Variants in AP5M1 observed in about 807,000 individuals in gnomAD.
AP5M1 encodes AP-5 complex subunit mu-1.
AP5M1 carries 44 observed loss-of-function variants against 52.3 expected under a neutral mutation model. The observed-to-expected ratio is 0.84, with a 90% CI of 0.66 to 1.08. The LOEUF is 1.08. AP5M1 is among the 50% of genes least tolerant of loss of function. The probability of loss-of-function intolerance (pLI) is 0.00; values close to 1 mark genes in which losing one functional copy is unlikely to be tolerated. For missense variants in AP5M1, 526 were observed against 568.4 expected, an observed-to-expected ratio of 0.93 and a Z score of 0.76; for synonymous variants, 213 against 199.0, an observed-to-expected ratio of 1.07 and a Z score of -0.59.
intron 2 of AP5M1, among the ~76,000 whole-genome samples, chr14:57,279,622 C>G (rs990875131): frequency 2.0e-5 from 3 of 152,138 alleles, no homozygotes; most frequent in Admixed American, 6.5e-5. Context: ...CAGCAAAACA[C>G]CATGGCCCAC....
In AP5M1 at chr14:57,291,957, G is replaced by C. The variant is rs1345243902; in HGVS notation, c.*3073G>C. On this transcript the variant is annotated 3_prime_UTR_variant, in exon 8 of 8. Transcript: ENST00000261558. ...TCAAAAAAAGGGGTGTTAATAAACAGTCCTCAGGTTTAAGGGACTTTTTTA... is the reference window on the plus strand; with the variant it reads ...TCAAAAAAAGGGGTGTTAATAAACACTCCTCAGGTTTAAGGGACTTTTTTA... 6.6e-6 allele frequency: 1 copy of C among 151,790 alleles called. No homozygotes were observed. The highest frequency in any genetic ancestry group is 1.5e-5 in the Non-Finnish European group (1 of 67,818). The allele number at this position is 151,790 out of a possible 1,614,324, so 9.4% of individuals were successfully genotyped here.
At position 57,269,067 on chromosome 14, in the gene AP5M1, T is replaced by C; in HGVS notation, c.-248T>C. On this transcript the variant is annotated 5_prime_UTR_variant, in exon 1 of 8. Transcript: ENST00000261558. ...AAGAAAATACCGGAGTTGCAGGGTATAGGTAAATTTCTCAAGGTTATAGGT... is the reference window on the plus strand; with the variant it reads ...AAGAAAATACCGGAGTTGCAGGGTACAGGTAAATTTCTCAAGGTTATAGGT... The C allele has an allele frequency of 1.8e-6, 1 of 567,928 alleles. No homozygotes were observed. Among genetic ancestry groups the C allele is most frequent in the East Asian group, 3.0e-5 (1 of 33,528 alleles). The allele number at this position is 567,928 out of a possible 1,614,324, so 35.2% of individuals were successfully genotyped here.
rs1319050783 is a variant in AP5M1 at position 57,293,749 on chromosome 14, T to G, written c.*4865T>G. The stretch of plus-strand genomic sequence containing the variant: ...TACACACAACATATATATACAAGTA[T>G]ATGAATTTACGTAAATGTGTACAAC... On this transcript the variant is annotated 3_prime_UTR_variant, in exon 8 of 8. Coordinates refer to ENST00000261558, the MANE Select transcript of AP5M1 (RefSeq NM_018229.4). 1.3e-5 allele frequency: 2 copies of G among 151,640 alleles called. No individual in the cohort carries two copies. The highest frequency in any genetic ancestry group is 4.8e-5 in the African/African-American group (2 of 41,360). The allele number at this position is 151,640 out of a possible 1,614,324, so 9.4% of individuals were successfully genotyped here. A position where few individuals can be genotyped will look rare whatever the true frequency, so the allele number is the denominator to read the frequency against.
At chr14:57,288,657 A>G (rs1379077013) in intron 7 of AP5M1, 145 bp from the exon 8 acceptor site, 2 of 561,160 alleles carry the variant, frequency 3.6e-6, no homozygotes. Flanking sequence ...GTTATAATAA[A>G]GTCTTGATAA....
chr14:57,290,324 AT>A lies in AP5M1; in HGVS notation c.*1444del, dbSNP rs1393853323. 6.6e-6 allele frequency: 1 copy of A among 152,016 alleles called. No individual in the cohort carries two copies. Among genetic ancestry groups the A allele is most frequent in the African/African-American group, 2.4e-5 (1 of 41,432 alleles). 9.4% of individuals were successfully genotyped at this position (152,016 alleles called of 1,614,324 possible). ...AAAAAAGAATAACTGCCTGACCAGG[AT>A]TTTAACTTGTTATTCTAGCTTAATC... is the stretch of plus-strand genomic sequence containing the variant. On this transcript the variant is annotated 3_prime_UTR_variant, in exon 8 of 8. Coordinates refer to ENST00000261558, the MANE Select transcript of AP5M1 (RefSeq NM_018229.4).
intron 1 of AP5M1, among the ~76,000 whole-genome samples, chr14:57,270,685 TC>T (rs1238614468): frequency 2.0e-5 from 3 of 152,184 alleles, no homozygotes; most frequent in Admixed American, 1.3e-4. Context: ...GTACAAAGTA[TC>T]TCTCATTTTA....
chr14:57,288,329 C>T (rs1026064887), intron 7 of AP5M1, among the ~76,000 whole-genome samples: 2 of 151,878 alleles, frequency 1.3e-5, no homozygotes, highest in Admixed American at 1.3e-4. Flanking sequence ...TTAAATTGAT[C>T]AGAACTATAA....
chr14:57,272,791 G>A (rs960188117), intron 1 of AP5M1, among the ~76,000 whole-genome samples: 2 of 152,172 alleles, frequency 1.3e-5, no homozygotes, highest in Non-Finnish European at 2.9e-5. Flanking sequence ...GCCATTACTG[G>A]TGTGCTACCT....
At position 57,269,278 on chromosome 14, in the gene AP5M1, T is replaced by C; in HGVS notation, c.-37T>C. Reference sequence around the variant, plus strand: ...CTGCGCTGTTCCTCGGTGGCGACCTTAATTATGAGATGAGCTAATGCTTTA... The same window carrying C: ...CTGCGCTGTTCCTCGGTGGCGACCTCAATTATGAGATGAGCTAATGCTTTA... On this transcript the variant is annotated 5_prime_UTR_variant, in exon 1 of 8. Coordinates refer to ENST00000261558, the MANE Select transcript of AP5M1 (RefSeq NM_018229.4). 1.9e-6 allele frequency: 3 copies of C among 1,606,876 alleles called. No individual in the cohort carries two copies. The highest frequency in any genetic ancestry group is 2.6e-6 in the Non-Finnish European group (3 of 1,174,332).
At chr14:57,283,513 C>CA (rs1885235388) in intron 6 of AP5M1, among the ~76,000 whole-genome samples, 1 of 152,186 alleles carries the variant, frequency 6.6e-6, no homozygotes, top group South Asian at 2.1e-4. Flanking sequence ...CGCTCAAGCC[C>CA]AGGAGTTCAA....
Position 57,280,226 on chromosome 14 carries a change from C to T in AP5M1, c.752C>T (p.Thr251Ile). The T allele has an allele frequency of 6.2e-7, 1 of 1,613,858 alleles. No individual in the cohort carries two copies. The highest frequency in any genetic ancestry group is 8.5e-7 in the Non-Finnish European group (1 of 1,179,790). ...CDLEGIMPNV[T>I]ISLSLPTNGS... ...TTGGAAGGAATCATGCCAAATGTTACCATCAGCTTGAGTCTCCCCACCAAT... is the reference window on the plus strand; with the variant it reads ...TTGGAAGGAATCATGCCAAATGTTATCATCAGCTTGAGTCTCCCCACCAAT... Residue 251 changes from threonine to isoleucine, a missense_variant, in exon 3 of 8, where the codon ACC (threonine) becomes ATC (isoleucine). By Grantham distance (89) the Thr-to-Ile change is moderately conservative. Around this residue, in one of 3 missense-constraint regions of AP5M1, gnomAD observed 425 missense variants for 430.6 expected, o/e 0.99. Transcript: ENST00000261558.
At position 57,282,171 on chromosome 14, in the gene AP5M1, ATGAAAGTG is replaced by A. The variant is rs1885196618; in HGVS notation, c.1037_1044del (p.Ser346LysfsTer2). 8.9e-6 allele frequency: 14 copies of A among 1,579,376 alleles called. No individual in the cohort carries two copies. Among genetic ancestry groups the A allele is most frequent in the Non-Finnish European group, 1.2e-5 (14 of 1,167,522 alleles). ...AGAATAACCATTAATTTAAAACTTC[ATGAAAGTG>A]TGAAAAATAATTTTGAATTCTGTGA... On this transcript the variant is annotated frameshift_variant, in exon 4 of 8. Transcript: ENST00000261558. LOFTEE classifies it high-confidence loss of function.
chr14:57,281,828 G>T (rs1197269341), intron 3 of AP5M1, among the ~76,000 whole-genome samples: 1 of 152,232 alleles, frequency 6.6e-6, no homozygotes, highest in African/African-American at 2.4e-5. Context: ...CGGCAGATCA[G>T]AGAACATGGA....
chr14:57,291,627 T>G lies in AP5M1; in HGVS notation c.*2743T>G, dbSNP rs917286379. On this transcript the variant is annotated 3_prime_UTR_variant, in exon 8 of 8. Coordinates refer to ENST00000261558, the MANE Select transcript of AP5M1 (RefSeq NM_018229.4). ...GACAATTATTTGTTTAAAAAATTTT[T>G]TTTATTAAACATTAGTCTGTCCCAT... The G allele has an allele frequency of 2.0e-5, 3 of 151,888 alleles. No homozygotes were observed. Among genetic ancestry groups the G allele is most frequent in the African/African-American group, 7.2e-5 (3 of 41,418 alleles). The allele number at this position is 151,888 out of a possible 1,614,324, so 9.4% of individuals were successfully genotyped here.
Position 57,280,440 on chromosome 14 carries a change from G to A in AP5M1, c.948+18G>A. ...CTTCCCAGGTAACAACCCTAGAATA[G>A]TTGAGAGTTTGCTGATCTTTATATT... is the stretch of plus-strand genomic sequence containing the variant. On this transcript the variant is annotated intron_variant, in intron 3 of 7. Coordinates refer to ENST00000261558, the MANE Select transcript of AP5M1 (RefSeq NM_018229.4). 6.6e-7 allele frequency: 1 copy of A among 1,507,242 alleles called. No homozygotes were observed. Among genetic ancestry groups the A allele is most frequent in the South Asian group, 1.1e-5 (1 of 88,566 alleles). 93.4% of individuals were successfully genotyped at this position (1,507,242 alleles called of 1,614,324 possible).
At chr14:57,287,610 C>T (rs1885340037) in intron 7 of AP5M1, among the ~76,000 whole-genome samples, 1 of 152,030 alleles carries the variant, frequency 6.6e-6, no homozygotes, top group African/African-American at 2.4e-5. Flanking sequence ...CTTCTTAATA[C>T]AAAATATGTT....
Position 57,283,119 on chromosome 14 carries a change from G to A in AP5M1, c.1182G>A (p.Lys394=). Residue 394 remains lysine (K), a synonymous_variant, in exon 6 of 8, where the codon AAG becomes AAA. Transcript: ENST00000261558. ...GGTATATTTGTGTTTTAGGCCAGAAGTTCCCAAAATCAATGGAAATTAGTC... is the reference window on the plus strand; with the variant it reads ...GGTATATTTGTGTTTTAGGCCAGAAATTCCCAAAATCAATGGAAATTAGTC... ...KSLLIWIIGQ[K]FPKSMEISLS... 6.2e-7 allele frequency: 1 copy of A among 1,611,234 alleles called. No individual in the cohort carries two copies. Among genetic ancestry groups the A allele is most frequent in the Non-Finnish European group, 8.5e-7 (1 of 1,178,880 alleles).
chr14:57,280,423 G>C lies in AP5M1; in HGVS notation c.948+1G>C, dbSNP rs756974292. On this transcript the variant is annotated splice_donor_variant, in intron 3 of 7. Coordinates refer to ENST00000261558, the MANE Select transcript of AP5M1 (RefSeq NM_018229.4). LOFTEE classifies it high-confidence loss of function. Reference sequence around the variant, plus strand: ...CAACTTATGCTTCTACACTTCCCAGGTAACAACCCTAGAATAGTTGAGAGT... The same window carrying C: ...CAACTTATGCTTCTACACTTCCCAGCTAACAACCCTAGAATAGTTGAGAGT... 2.5e-6 allele frequency: 4 copies of C among 1,587,812 alleles called. No homozygotes were observed. Among genetic ancestry groups the C allele is most frequent in the Non-Finnish European group, 3.5e-6 (4 of 1,156,230 alleles).
chr14:57,275,313 T>A (rs1269617880), intron 2 of AP5M1: 1 of 236,676 alleles, frequency 4.2e-6, no homozygotes, highest in African/African-American at 2.4e-5. Context: ...AGGCCTTAGT[T>A]CCTTTCCACA....
Sources: gnomAD v4.1 joint callset for allele counts (sites outside exome capture counted in the v4.1 genomes callset) on GRCh38, gnomAD v4.1.1 for gene constraint, gnomAD v4.1.1 regional missense constraint, MANE v1.5 for transcripts, NCBI Gene and HGNC (gene_info 2026-07-23, HGNC 2026-07-21) for gene names.